Variants in KCNMA1 observed in about 807,000 individuals in gnomAD.
KCNMA1 encodes Calcium-activated potassium channel subunit alpha-1.
KCNMA1 carries 29 observed loss-of-function variants against 140.0 expected under a neutral mutation model. The ratio of observed to expected loss-of-function variants is 0.21; its 90% CI spans 0.15 to 0.28. The LOEUF is 0.28. KCNMA1 is among the 10% of genes least tolerant of loss of function. The pLI, the probability that KCNMA1 is intolerant of heterozygous loss-of-function variation, is 1.00. For synonymous variants in KCNMA1, 612 were observed against 611.9 expected, an observed-to-expected ratio of 1.00 and a Z score of 0.00; for missense variants, 880 against 1,602.2, an observed-to-expected ratio of 0.55 and a Z score of 7.70.
chr10:77,245,719 T>G (rs2058401407), intron 3 of KCNMA1, among the ~76,000 whole-genome samples: 1 of 152,174 alleles, frequency 6.6e-6, no homozygotes, highest in Non-Finnish European at 1.5e-5. Flanking sequence ...CTCATATCTA[T>G]TTCAGTATGC....
rs1160682175 is a variant in KCNMA1 at position 77,355,398 on chromosome 10, T to G, written c.540+48464A>C. On this transcript the variant is annotated intron_variant, in intron 2 of 27. Transcript: ENST00000286628. ...GGAAATCAACTTTATCAATGTTCTC[T>G]GTTCCGTGGCAGCAGTGATGGGTTC... Among the ~76,000 whole-genome samples the G allele has an allele frequency of 2.0e-5, 3 of 152,332 alleles. No individual in the cohort carries two copies. In the South Asian group the frequency reaches 6.2e-4, roughly 32 times the overall value.
intron 22 of KCNMA1, among the ~76,000 whole-genome samples, chr10:76,946,128 G>A (rs1348311581): frequency 6.6e-6 from 1 of 152,164 alleles, no homozygotes; most frequent in Non-Finnish European, 1.5e-5. Context: ...CAGAGTCCGG[G>A]AATGCAAGCA....
At chr10:77,181,794 A>G (rs1045221454) in intron 5 of KCNMA1, among the ~76,000 whole-genome samples, 3 of 152,180 alleles carry the variant, frequency 2.0e-5, no homozygotes, top group African/African-American at 7.2e-5. Flanking sequence ...CGATAAGCAA[A>G]AAATCCAGTC....
chr10:77,205,533 A>G (rs186779589), intron 3 of KCNMA1, among the ~76,000 whole-genome samples: 34 of 152,376 alleles, frequency 2.2e-4, no homozygotes, highest in Middle Eastern at 3.4e-3. Context: ...ATATAAATCA[A>G]CATGCTCTAA....
At chr10:77,338,315 A>G (rs2089880122) in intron 2 of KCNMA1, among the ~76,000 whole-genome samples, 1 of 148,774 alleles carries the variant, frequency 6.7e-6, no homozygotes, top group Admixed American at 6.7e-5. Flanking sequence ...CCTTCTGGAA[A>G]TGGTGCTAAG....
At chr10:77,555,001 A>G (rs535854645) in intron 1 of KCNMA1, among the ~76,000 whole-genome samples, 23 of 151,872 alleles carry the variant, frequency 1.5e-4, no homozygotes, top group Admixed American at 1.2e-3. Context: ...AGAACCGTTC[A>G]TAATGAAATT....
intron 1 of KCNMA1, among the ~76,000 whole-genome samples, chr10:77,535,123 T>A (rs1567389553): frequency 6.6e-6 from 1 of 152,208 alleles, no homozygotes; most frequent in Non-Finnish European, 1.5e-5. Flanking sequence ...TCTTAAATTC[T>A]ACACACATGC....
intron 1 of KCNMA1, among the ~76,000 whole-genome samples, chr10:77,618,289 T>C (rs546003329): frequency 6.6e-6 from 1 of 152,314 alleles, no homozygotes; most frequent in African/African-American, 2.4e-5. Context: ...CATTGACATG[T>C]TGACCTCTTG....
chr10:77,001,829 G>T (rs947615102), intron 18 of KCNMA1, among the ~76,000 whole-genome samples: 4 of 152,102 alleles, frequency 2.6e-5, no homozygotes, highest in Non-Finnish European at 5.9e-5. Flanking sequence ...TCTCCCCTAG[G>T]TAAAGCGGTG....
At chr10:77,170,916 G>A (rs2098699470) in intron 5 of KCNMA1, among the ~76,000 whole-genome samples, 1 of 152,154 alleles carries the variant, frequency 6.6e-6, no homozygotes, top group Non-Finnish European at 1.5e-5. Context: ...ATCATAGGAT[G>A]AGTATATCTC....
chr10:77,185,296 G>C (rs773359248), intron 3 of KCNMA1, among the ~76,000 whole-genome samples: 1 of 151,968 alleles, frequency 6.6e-6, no homozygotes, highest in Admixed American at 6.6e-5. Context: ...CTTTCTTTGA[G>C]AGGACACATA....
At chr10:77,264,539 C>T (rs918760391) in intron 2 of KCNMA1, among the ~76,000 whole-genome samples, 4 of 152,114 alleles carry the variant, frequency 2.6e-5, no homozygotes, top group African/African-American at 9.7e-5. Flanking sequence ...CCAGGCACAC[C>T]AGGTACACAG....
At chr10:77,324,468 G>C (rs2083283738) in intron 2 of KCNMA1, among the ~76,000 whole-genome samples, 1 of 152,114 alleles carries the variant, frequency 6.6e-6, no homozygotes, top group African/African-American at 2.4e-5. Flanking sequence ...CTCCCACCCA[G>C]CTTACTATAC....
intron 1 of KCNMA1, among the ~76,000 whole-genome samples, chr10:77,512,380 C>G (rs1177908278): frequency 6.6e-6 from 1 of 152,184 alleles, no homozygotes; most frequent in East Asian, 1.9e-4. Flanking sequence ...AGAGCACAGT[C>G]ACATGACTTT....
At chr10:77,535,452 A>C (rs1048340676) in intron 1 of KCNMA1, among the ~76,000 whole-genome samples, 6 of 152,268 alleles carry the variant, frequency 3.9e-5, no homozygotes, top group Non-Finnish European at 8.8e-5. Context: ...GTGGGAATGT[A>C]AATTGGTACA....
intron 23 of KCNMA1, chr10:76,939,114 T>A: frequency 1.9e-5 from 1 of 53,960 alleles, no homozygotes; most frequent in South Asian, 1.2e-3. Context: ...CCTCTTCTTT[T>A]TTTTTTTTTT....
intron 9 of KCNMA1, among the ~76,000 whole-genome samples, chr10:77,103,865 C>T (rs1226047123): frequency 6.6e-6 from 1 of 152,192 alleles, no homozygotes; most frequent in Non-Finnish European, 1.5e-5. Context: ...CAAAGTGAAG[C>T]TCATGCCTTT....
At position 77,459,483 on chromosome 10, in the gene KCNMA1, C is replaced by T. The variant is rs80025282; in HGVS notation, c.379-55460G>A. The stretch of plus-strand genomic sequence containing the variant: ...AAAATCGGAAATCTTTATGGAGAAA[C>T]CCTTGTGAGCAGTGCCTGGCTAACA... On this transcript the variant is annotated intron_variant, in intron 1 of 27. Coordinates refer to ENST00000286628, the MANE Select transcript of KCNMA1 (RefSeq NM_001161352.2). 9.6e-3 allele frequency among the ~76,000 whole-genome samples: 1,468 copies of T among 152,300 alleles called. 26 individuals are homozygous for T. The highest frequency in any genetic ancestry group is 0.033 in the African/African-American group (1,389 of 41,554).
At chr10:77,323,978 G>A (rs2083120180) in intron 2 of KCNMA1, among the ~76,000 whole-genome samples, 1 of 152,224 alleles carries the variant, frequency 6.6e-6, no homozygotes, top group Admixed American at 6.5e-5. Flanking sequence ...CCTGAGGTCG[G>A]TATGCAGATG....
Sources: allele counts gnomAD v4.1 joint callset (sites outside exome capture counted in the v4.1 genomes callset), GRCh38; gene constraint gnomAD v4.1.1; transcripts MANE v1.5; gene names NCBI Gene and HGNC (gene_info 2026-07-23, HGNC 2026-07-21).